The following CSMD1 variants were observed in gnomAD, a reference collection of about 807,000 sequenced individuals.
CSMD1 encodes CUB and sushi domain-containing protein 1.
A neutral mutation model predicts 417.5 loss-of-function variants in CSMD1; 213 were observed. The ratio of observed to expected loss-of-function variants is 0.51; its 90% CI spans 0.46 to 0.57. The LOEUF (loss-of-function observed/expected upper bound fraction) is 0.57, where lower values mean the gene tolerates loss of function less well. Among genes scored for constraint, CSMD1 ranks in the 20% least tolerant of loss-of-function variants. CSMD1 has a pLI of 0.00. For synonymous variants in CSMD1, 2,862 were observed against 1,736.8 expected, an observed-to-expected ratio of 1.65 and a Z score of -16.11; for missense variants, 6,923 against 4,529.7, an observed-to-expected ratio of 1.53 and a Z score of -15.17.
intron 3 of CSMD1, among the ~76,000 whole-genome samples, chr8:4,060,191 A>C (rs562034077): frequency 6.6e-6 from 1 of 151,960 alleles, no homozygotes; most frequent in African/African-American, 2.4e-5. Flanking sequence ...AAAGACAAAA[A>C]CCACATGATT....
intron 12 of CSMD1, among the ~76,000 whole-genome samples, chr8:3,453,068 T>G (rs180849449): frequency 2.0e-5 from 3 of 152,214 alleles, no homozygotes; most frequent in Admixed American, 1.3e-4. Context: ...GTCGAGGAAT[T>G]TATCCATTTC....
At chr8:3,478,871 G>A (rs954558906) in intron 11 of CSMD1, among the ~76,000 whole-genome samples, 8 of 152,150 alleles carry the variant, frequency 5.3e-5, no homozygotes, top group African/African-American at 1.7e-4. Flanking sequence ...CTCACCTGGG[G>A]AGGCCCTTCG....
At chr8:3,254,963 A>C (rs1471604044) in intron 26 of CSMD1, among the ~76,000 whole-genome samples, 1 of 152,030 alleles carries the variant, frequency 6.6e-6, no homozygotes, top group Non-Finnish European at 1.5e-5. Context: ...TTTAGAGTTT[A>C]CAGTTTTTCT....
rs1563120318 is a variant in CSMD1, at chr8:4,097,691, T to C, written c.416-65592A>G. Among the ~76,000 whole-genome samples the C allele has an allele frequency of 2.6e-5, 4 of 152,196 alleles. 1 individual carries two copies. In the South Asian group the frequency reaches 8.3e-4, roughly 31 times the overall value. ...TGTTTAAGACAGTGAATTTTAGCCC[T>C]TGGAATTCAGAAAGAACATTCAACA... On this transcript the variant is annotated intron_variant, in intron 3 of 69. Transcript: ENST00000635120.
intron 26 of CSMD1, among the ~76,000 whole-genome samples, chr8:3,231,700 A>C (rs1350573598): frequency 1.3e-5 from 2 of 152,174 alleles, no homozygotes; most frequent in Admixed American, 1.3e-4. Flanking sequence ...TAAAAGACCA[A>C]AGCTCTATCC....
intron 25 of CSMD1, among the ~76,000 whole-genome samples, chr8:3,304,781 A>C (rs1020095753): frequency 6.6e-6 from 1 of 151,880 alleles, no homozygotes; most frequent in Admixed American, 6.6e-5. Context: ...TTCACCTGTA[A>C]AGAGTGAATC....
chr8:3,632,432 A>AT (rs1222902455), intron 7 of CSMD1, among the ~76,000 whole-genome samples: 2 of 152,262 alleles, frequency 1.3e-5, no homozygotes, highest in African/African-American at 2.4e-5. Context: ...ATAGGAGATT[A>AT]TTTTTTAATG....
chr8:4,425,151 C>T (rs1028452782), intron 2 of CSMD1, among the ~76,000 whole-genome samples: 79 of 152,038 alleles, frequency 5.2e-4, no homozygotes, highest in African/African-American at 1.8e-3. Flanking sequence ...TTTCATGTCC[C>T]TTTAAATTAT....
chr8:3,490,300 G>T (rs895704), intron 11 of CSMD1, among the ~76,000 whole-genome samples: 56,872 of 151,844 alleles, frequency 0.37, 10,728 homozygotes, highest in Middle Eastern at 0.46. Context: ...GAGAGAAGGC[G>T]CTAATAACAC....
At chr8:3,532,241 C>T (rs938791431) in intron 10 of CSMD1, among the ~76,000 whole-genome samples, 1 of 152,136 alleles carries the variant, frequency 6.6e-6, no homozygotes, top group African/African-American at 2.4e-5. Flanking sequence ...ACCAAGAACT[C>T]TAGGTGTCAA....
At chr8:4,414,681 C>T (rs1796830183) in intron 3 of CSMD1, among the ~76,000 whole-genome samples, 4 of 152,164 alleles carry the variant, frequency 2.6e-5, no homozygotes, top group African/African-American at 7.2e-5. Flanking sequence ...TACTTACTGG[C>T]AGTTTTTCTT....
chr8:4,200,395 A>G (rs1045746025), intron 3 of CSMD1, among the ~76,000 whole-genome samples: 1 of 152,228 alleles, frequency 6.6e-6, no homozygotes, highest in African/African-American at 2.4e-5. Flanking sequence ...AAAAGCAGAA[A>G]AAAATTAATG....
intron 1 of CSMD1, among the ~76,000 whole-genome samples, chr8:4,698,367 G>A (rs1484159983): frequency 2.6e-5 from 4 of 152,116 alleles, no homozygotes; most frequent in Non-Finnish European, 5.9e-5. Flanking sequence ...ACTGGTGAAT[G>A]CATCAGAGAA....
chr8:4,198,699 G>T (rs1336092860), intron 3 of CSMD1, among the ~76,000 whole-genome samples: 1 of 152,040 alleles, frequency 6.6e-6, no homozygotes, highest in Admixed American at 6.6e-5. Context: ...GGACTACATG[G>T]ATACTAAGTG....
intron 2 of CSMD1, among the ~76,000 whole-genome samples, chr8:4,580,758 G>T (rs1247510814): frequency 6.6e-6 from 1 of 152,134 alleles, no homozygotes; most frequent in Non-Finnish European, 1.5e-5. Context: ...TCCCTTTGAG[G>T]TTCTCCTAAC....
rs571671880 is a variant in CSMD1 at position 3,254,502 on chromosome 8, T to G, written c.4154-24271A>C. Among the ~76,000 whole-genome samples, 5 of 152,306 alleles carry G rather than the reference T, an allele frequency of 3.3e-5. No individual in the cohort carries two copies. The South Asian group carries it at 1.0e-3, about 32-fold the overall frequency. ...CTTGGTTCCATTCTCCCTGTCACTT[T>G]CAGGTACACCAATCAGACGTAGATT... On this transcript the variant is annotated intron_variant, in intron 26 of 69. Transcript: ENST00000635120.
intron 1 of CSMD1, among the ~76,000 whole-genome samples, chr8:4,791,477 C>G (rs1208018040): frequency 2.0e-5 from 3 of 152,270 alleles, no homozygotes; most frequent in East Asian, 1.9e-4. Flanking sequence ...ACCTAATTTT[C>G]TCACCACAGC....
At chr8:3,114,138 G>T (rs889155929) in intron 42 of CSMD1, among the ~76,000 whole-genome samples, 15 of 152,094 alleles carry the variant, frequency 9.9e-5, no homozygotes, top group Non-Finnish European at 2.2e-4. Flanking sequence ...TAGCCACTTG[G>T]GAGGCTGAAG....
chr8:3,589,953 T>C (rs115682802), intron 8 of CSMD1, among the ~76,000 whole-genome samples: 11 of 55,380 alleles, frequency 2.0e-4, no homozygotes, highest in Non-Finnish European at 3.1e-4. Context: ...ATCCAAAATA[T>C]AGGAAATTTC....
Sources: allele counts gnomAD v4.1 joint callset (sites outside exome capture counted in the v4.1 genomes callset), GRCh38; gene constraint gnomAD v4.1.1; transcripts MANE v1.5; gene names NCBI Gene and HGNC (gene_info 2026-07-23, HGNC 2026-07-21).